The following CDH13 variants were observed in gnomAD, a reference collection of about 807,000 sequenced individuals.
CDH13 encodes cadherin-13.
CDH13 carries 24 observed loss-of-function variants against 63.8 expected under a neutral mutation model. The ratio of observed to expected loss-of-function variants is 0.38; its 90% CI spans 0.27 to 0.53. The LOEUF is 0.53. Ranked by LOEUF, CDH13 falls within the 20% of genes least tolerant of loss-of-function variation. The pLI is 0.85. For missense variants in CDH13, 1,049 were observed against 903.1 expected (o/e 1.16, Z -2.07); for synonymous variants, 503 against 355.3 (o/e 1.42, Z -4.67).
At chr16:83,077,186 C>CTTTT (rs34536219) in intron 3 of CDH13, among the ~76,000 whole-genome samples, 827 of 59,314 alleles carry the variant, frequency 0.014, 4 homozygotes, top group Non-Finnish European at 0.017. Context: ...TTTTTCTTTT[C>CTTTT]TTTTTTTTTT....
At chr16:83,380,938 C>T (rs960244289) in intron 6 of CDH13, among the ~76,000 whole-genome samples, 4 of 152,042 alleles carry the variant, frequency 2.6e-5, no homozygotes, top group Non-Finnish European at 5.9e-5. Flanking sequence ...CCCTCCCTCC[C>T]TTCTCAGAGG....
chr16:82,896,164 G>C (rs2041249670), intron 2 of CDH13, among the ~76,000 whole-genome samples: 1 of 151,774 alleles, frequency 6.6e-6, no homozygotes, highest in African/African-American at 2.4e-5. Context: ...GCTTCATGGT[G>C]AGCAATAGCC....
At chr16:82,630,032 C>T (rs1455108309) in intron 1 of CDH13, among the ~76,000 whole-genome samples, 1 of 152,150 alleles carries the variant, frequency 6.6e-6, no homozygotes. Flanking sequence ...GAAAATGTTC[C>T]ATGGAATTCT....
At chr16:82,865,818 T>C (rs1435422208) in intron 2 of CDH13, among the ~76,000 whole-genome samples, 2 of 152,272 alleles carry the variant, frequency 1.3e-5, no homozygotes. Flanking sequence ...TTTTTTCTTT[T>C]CTATTTCATC....
chr16:83,197,035 C>A (rs771503094), intron 4 of CDH13, among the ~76,000 whole-genome samples: 1 of 152,128 alleles, frequency 6.6e-6, no homozygotes, highest in Non-Finnish European at 1.5e-5. Flanking sequence ...TGAAAACAAC[C>A]CAGATGTCCT....
intron 2 of CDH13, among the ~76,000 whole-genome samples, chr16:82,874,996 T>C (rs1366642035): frequency 6.6e-6 from 1 of 152,178 alleles, no homozygotes; most frequent in Non-Finnish European, 1.5e-5. Context: ...AGGACCAGGC[T>C]TTTGGCCATA....
At chr16:83,580,608 C>G (rs1385429616) in intron 7 of CDH13, among the ~76,000 whole-genome samples, 2 of 151,904 alleles carry the variant, frequency 1.3e-5, no homozygotes, top group Admixed American at 1.3e-4. Flanking sequence ...AATCCTCCCA[C>G]CTTAGCCTTC....
At chr16:82,833,971 A>T (rs2038654895) in intron 1 of CDH13, among the ~76,000 whole-genome samples, 1 of 152,168 alleles carries the variant, frequency 6.6e-6, no homozygotes, top group Non-Finnish European at 1.5e-5. Context: ...GTGGGTGGGG[A>T]ATTGTCTCTG....
chr16:83,076,340 A>G (rs1847529106), intron 3 of CDH13, among the ~76,000 whole-genome samples: 1 of 152,204 alleles, frequency 6.6e-6, no homozygotes, highest in African/African-American at 2.4e-5. Context: ...CTGGATCAGA[A>G]TCCATTGCCA....
chr16:82,745,219 C>T (rs146170145), intron 1 of CDH13, among the ~76,000 whole-genome samples: 251 of 152,248 alleles, frequency 1.6e-3, no homozygotes, highest in Middle Eastern at 0.01. Flanking sequence ...GGGGCGATGC[C>T]ATTCCAATGG....
In CDH13 at chr16:83,106,570, A is replaced by C. The variant is rs187395284; in HGVS notation, c.367-18815A>C. Among the ~76,000 whole-genome samples, 173 of 152,162 alleles carry C rather than the reference A, an allele frequency of 1.1e-3. 1 individual carries two copies. The highest frequency in any genetic ancestry group is 4.0e-3 in the African/African-American group (167 of 41,454). Reference sequence around the variant, plus strand: ...AAAACAAAACAAAACAATACAAAACAAAAAAACAAGCATATCAAGGGAATG... The same window carrying C: ...AAAACAAAACAAAACAATACAAAACCAAAAAACAAGCATATCAAGGGAATG... On this transcript the variant is annotated intron_variant, in intron 3 of 13. Transcript: ENST00000567109.
intron 4 of CDH13, among the ~76,000 whole-genome samples, chr16:83,150,432 T>G (rs1357035690): frequency 1.3e-5 from 2 of 152,158 alleles, no homozygotes; most frequent in African/African-American, 4.8e-5. Flanking sequence ...ACATCTCACA[T>G]TCTGGCTTTT....
At chr16:83,112,252 A>C (rs955720311) in intron 3 of CDH13, among the ~76,000 whole-genome samples, 1 of 152,244 alleles carries the variant, frequency 6.6e-6, no homozygotes, top group Non-Finnish European at 1.5e-5. Flanking sequence ...TTACTCTAGC[A>C]AACCAGCAGT....
chr16:82,845,618 T>C (rs914267476), intron 1 of CDH13, among the ~76,000 whole-genome samples: 11 of 152,182 alleles, frequency 7.2e-5, no homozygotes, highest in African/African-American at 2.7e-4. Context: ...AGGTTCCCAG[T>C]GCCTGCCACA....
chr16:83,778,379 A>C lies in CDH13; in HGVS notation c.1682-1589A>C, dbSNP rs558252963. Reference sequence around the variant, plus strand: ...ATCCCATCTCTACTAAAAATACAAAAATTAGCTGGACATTGTGTTGCACAC... The same window carrying C: ...ATCCCATCTCTACTAAAAATACAAACATTAGCTGGACATTGTGTTGCACAC... On this transcript the variant is annotated intron_variant, in intron 11 of 13. Transcript: ENST00000567109. Among the ~76,000 whole-genome samples, 9 of 152,240 alleles carry C rather than the reference A, an allele frequency of 5.9e-5. No individual in the cohort carries two copies. The South Asian group carries it at 1.9e-3, about 32-fold the overall frequency.
At chr16:83,450,819 G>A (rs1447284389) in intron 6 of CDH13, among the ~76,000 whole-genome samples, 4 of 152,140 alleles carry the variant, frequency 2.6e-5, no homozygotes, top group Non-Finnish European at 4.4e-5. Flanking sequence ...GCCGTGAGCC[G>A]AGATGGTGCC....
At chr16:82,653,915 G>A (rs544593659) in intron 1 of CDH13, among the ~76,000 whole-genome samples, 36 of 152,132 alleles carry the variant, frequency 2.4e-4, no homozygotes, top group Non-Finnish European at 4.9e-4. Flanking sequence ...ATACCACAGA[G>A]ATCATGAGAT....
Position 83,037,542 on chromosome 16 carries a change from T to G in CDH13, c.366+5324T>G, listed in dbSNP as rs568227302. Among the ~76,000 whole-genome samples the G allele has an allele frequency of 4.6e-5, 7 of 152,250 alleles. No individual in the cohort carries two copies. In the South Asian group the frequency reaches 1.2e-3, roughly 27 times the overall value. ...ATCCCGTATCTGGATGATTCCAGATTGTCTAGCCTGGAGGATGGAGATGAA... is the reference window on the plus strand; with the variant it reads ...ATCCCGTATCTGGATGATTCCAGATGGTCTAGCCTGGAGGATGGAGATGAA... On this transcript the variant is annotated intron_variant, in intron 3 of 13. Transcript: ENST00000567109.
chr16:82,971,022 C>G (rs1357954544), intron 2 of CDH13, among the ~76,000 whole-genome samples: 6 of 152,178 alleles, frequency 3.9e-5, no homozygotes, highest in Non-Finnish European at 7.3e-5. Flanking sequence ...GGTGCTCCAC[C>G]TATATCCTTT....
Sources: allele counts gnomAD v4.1 joint callset (sites outside exome capture counted in the v4.1 genomes callset), GRCh38; gene constraint gnomAD v4.1.1; transcripts MANE v1.5; gene names NCBI Gene and HGNC (gene_info 2026-07-23, HGNC 2026-07-21).